Variants in AARS1 observed in about 807,000 individuals in gnomAD.
AARS1 encodes the protein alanine--tRNA ligase, cytoplasmic.
A neutral mutation model predicts 108.9 loss-of-function variants in AARS1; 72 were observed. The ratio of observed to expected loss-of-function variants is 0.66; its 90% confidence interval spans 0.55 to 0.80. AARS1 has a LOEUF of 0.80. Ranked by LOEUF, AARS1 falls within the 30% of genes least tolerant of loss-of-function variation. The pLI is 0.00. For missense variants in AARS1, 1,193 were observed against 1,233.2 expected, an observed-to-expected ratio of 0.97 and a Z score of 0.49; for synonymous variants, 489 against 465.7, an observed-to-expected ratio of 1.05 and a Z score of -0.64.
intron 16 of AARS1, 144 bp downstream of exon 16, chr16:70,255,584 G>A: frequency 1.4e-6 from 1 of 735,486 alleles, no homozygotes; most frequent in Non-Finnish European, 2.4e-6. Flanking sequence ...TCAGGGGTAG[G>A]ACACTGGGGC....
Position 70,261,106 on chromosome 16 carries a change from G to A in AARS1, c.1723C>T (p.His575Tyr). 1.2e-6 allele frequency: 2 copies of A among 1,613,844 alleles called. No homozygotes were observed. The highest frequency in any genetic ancestry group is 8.5e-7 in the Non-Finnish European group (1 of 1,179,866). The change falls in exon 13 of 21, where the codon CAC becomes TAC. Residue 575 changes from histidine (H) to tyrosine (Y), a missense_variant. Transcript: ENST00000261772. ...AGGTCACCGTAGATGGTTCCAATGT[G>A]TAGCACATACCCTCCTCGGACCTGA... is the stretch of plus-strand genomic sequence containing the variant. Reference protein sequence around the residue: ...NAQVRGGYVLHIGTIYGDLKV... With the variant: ...NAQVRGGYVLYIGTIYGDLKV...
At chr16:70,281,375 A>C (rs1329389554) in intron 2 of AARS1, among the ~76,000 whole-genome samples, 5 of 152,158 alleles carry the variant, frequency 3.3e-5, no homozygotes, top group Non-Finnish European at 2.9e-5. Context: ...ATATAAATAA[A>C]TAAATTTAGG....
intron 1 of AARS1, among the ~76,000 whole-genome samples, chr16:70,288,823 TCCCAAA>T (rs1269101053): frequency 2.0e-5 from 3 of 151,976 alleles, no homozygotes; most frequent in African/African-American, 7.3e-5. Flanking sequence ...CGCCTCGACC[TCCCAAA>T]GCGCTGGGAT....
Position 70,265,073 on chromosome 16 carries a change from C to CGTG in AARS1, c.1376_1377insCAC (p.Gly459_Glu460insThr). The CGTG allele has an allele frequency of 6.2e-7, 1 of 1,614,126 alleles. No individual in the cohort carries two copies. The highest frequency in any genetic ancestry group is 8.5e-7 in the Non-Finnish European group (1 of 1,180,038). On this transcript the variant is annotated inframe_insertion, in exon 11 of 21. Transcript: ENST00000261772. The stretch of plus-strand genomic sequence containing the variant: ...AAATGTCCAGCATAATGAGGTCTTC[C>CGTG]CCACCAGCTCCCTTGCCCTGTGATT...
rs941040970 is a variant in AARS1, at chr16:70,259,074, C to T, written c.1898G>A (p.Arg633His). 5 of 1,614,022 alleles carry T rather than the reference C, an allele frequency of 3.1e-6. No individual in the cohort carries two copies. The highest frequency in any genetic ancestry group is 2.2e-5 in the East Asian group (1 of 44,894). The change falls in exon 14 of 21, where the codon CGC becomes CAC. Residue 633 changes from arginine (R) to histidine (H), a missense_variant. By Grantham distance (29) the Arg-to-His change is conservative (BLOSUM62 0). Transcript: ENST00000261772. ...DQKGSLVAPDRLRFDFTAKGA... is the reference protein window; with the variant it reads ...DQKGSLVAPDHLRFDFTAKGA... ...CTTGGCAGTAAAGTCAAATCTGAGG[C>T]GGTCAGGAGCAACCAATGAGCCTTT...
chr16:70,284,324 C>T (rs190156516), intron 1 of AARS1, among the ~76,000 whole-genome samples: 23 of 137,628 alleles, frequency 1.7e-4, no homozygotes, highest in African/African-American at 5.2e-4. Flanking sequence ...CAAAAATGGC[C>T]GGGCGCGGTG....
intron 1 of AARS1, among the ~76,000 whole-genome samples, chr16:70,285,845 C>G (rs975990979): frequency 2.6e-5 from 4 of 152,186 alleles, no homozygotes; most frequent in African/African-American, 9.7e-5. Flanking sequence ...ATGGCATGAG[C>G]CACCATGCCC....
chr16:70,289,374 G>T, intron 1 of AARS1, 47 bp downstream of exon 1: 2 of 355,316 alleles, frequency 5.6e-6, no homozygotes, highest in South Asian at 4.1e-5. Context: ...CAGTCTGCGG[G>T]CCCAGCCGCT....
chr16:70,270,217 A>C lies in AARS1; in HGVS notation c.795T>G (p.Pro265=). ...MSNYDTDLFV[P]YFEAIQKGTG... ...GTACCTTCTGAATGGCTTCAAAGTA[A>C]GGGACAAAAAGGTCAGTGTCATAGT... The change falls in exon 6 of 21, where the codon CCT becomes CCG. Residue 265 remains proline (P), a synonymous_variant. Transcript: ENST00000261772. 1.2e-6 allele frequency: 2 copies of C among 1,614,194 alleles called. No homozygotes were observed. Among genetic ancestry groups the C allele is most frequent in the Non-Finnish European group, 1.7e-6 (2 of 1,180,038 alleles).
chr16:70,264,751 C>A (rs1015992356), intron 11 of AARS1, among the ~76,000 whole-genome samples: 1 of 151,726 alleles, frequency 6.6e-6, no homozygotes, highest in Non-Finnish European at 1.5e-5. Context: ...TTTACAACTT[C>A]CTGTGACAAT....
At chr16:70,278,637 T>A (rs1159870013) in intron 2 of AARS1, among the ~76,000 whole-genome samples, 1 of 151,470 alleles carries the variant, frequency 6.6e-6, no homozygotes, top group Non-Finnish European at 1.5e-5. Flanking sequence ...AGCTCAATAA[T>A]CACACGACTG....
At chr16:70,284,859 C>G (rs1960801176) in intron 1 of AARS1, among the ~76,000 whole-genome samples, 1 of 152,184 alleles carries the variant, frequency 6.6e-6, no homozygotes, top group Non-Finnish European at 1.5e-5. Context: ...TGTAAAAAAG[C>G]AGTATCTACC....
In AARS1 at chr16:70,276,484, AC is replaced by A; in HGVS notation, c.479+1del. On this transcript the variant is annotated splice_donor_variant, in intron 4 of 20. Coordinates refer to ENST00000261772, the MANE Select transcript of AARS1 (RefSeq NM_001605.3). LOFTEE classifies it high-confidence loss of function. ...CTCTCAAGAAGTGATGTGCATTCTTACCCCAAATTTTGCCAGATCTGTTTGC... is the reference window on the plus strand; with the variant it reads ...CTCTCAAGAAGTGATGTGCATTCTTACCCAAATTTTGCCAGATCTGTTTGC... The A allele has an allele frequency of 6.2e-7, 1 of 1,613,912 alleles. No individual in the cohort carries two copies. Among genetic ancestry groups the A allele is most frequent in the Non-Finnish European group, 8.5e-7 (1 of 1,179,944 alleles).
rs1959913185 is a variant in AARS1, at chr16:70,253,948, G to A, written c.2491C>T (p.Arg831Ter). The change falls in exon 18 of 21, where the codon CGA becomes TGA. Residue 831 changes from arginine to a stop codon, truncating the protein, a stop_gained. Coordinates refer to ENST00000261772, the MANE Select transcript of AARS1 (RefSeq NM_001605.3). LOFTEE classifies it high-confidence loss of function. ...TTCTGGACATCGGCTTTGCTGGCTC[G>A]GTCCAAGTCATCCATGACCTTCTTT... ...SLKKVMDDLD[R>*]ASKADVQKRV... 3.7e-6 allele frequency: 6 copies of A among 1,614,030 alleles called. No homozygotes were observed. The highest frequency in any genetic ancestry group is 4.2e-6 in the Non-Finnish European group (5 of 1,180,036).
chr16:70,280,714 A>G (rs777891291), intron 2 of AARS1, among the ~76,000 whole-genome samples: 4 of 152,184 alleles, frequency 2.6e-5, no homozygotes, highest in Non-Finnish European at 4.4e-5. Context: ...AGTACTGTTT[A>G]GTGTCACAGA....
chr16:70,253,611 G>C, intron 19 of AARS1, 103 bp downstream of exon 19: 1 of 1,342,678 alleles, frequency 7.4e-7, no homozygotes, highest in East Asian at 2.3e-5. Context: ...ATCCCAGACC[G>C]TGGGCCCTTA....
At chr16:70,276,062 A>G (rs1449341389) in intron 4 of AARS1, 1 of 152,806 alleles carries the variant, frequency 6.5e-6, no homozygotes, top group Non-Finnish European at 1.4e-5. Context: ...AAAAAATACA[A>G]AAGTTAGCTG....
In AARS1 at chr16:70,271,983, A is replaced by T. The variant is rs753558252; in HGVS notation, c.480-11T>A. 3 of 1,613,150 alleles carry T rather than the reference A, an allele frequency of 1.9e-6. 1 individual carries two copies. Among genetic ancestry groups the T allele is most frequent in the Non-Finnish European group, 2.5e-6 (3 of 1,179,172 alleles). On this transcript the variant is annotated splice_polypyrimidine_tract_variant and intron_variant, in intron 4 of 20. Coordinates refer to ENST00000261772, the MANE Select transcript of AARS1 (RefSeq NM_001605.3). ...TTGGTGTCATCCAGCCTGACAAAGG[A>T]GTAAAGATAAGTCCAGTTACAGCCC...
chr16:70,264,102 C>T (rs55936739), intron 11 of AARS1, among the ~76,000 whole-genome samples: 10,893 of 151,278 alleles, frequency 0.072, 1,312 homozygotes, highest in African/African-American at 0.25. Context: ...AAAAATCAGC[C>T]GGGTGTGGTG....
Sources: allele counts gnomAD v4.1 joint callset (sites outside exome capture counted in the v4.1 genomes callset), GRCh38; gene constraint gnomAD v4.1.1; transcripts MANE v1.5; gene names NCBI Gene and HGNC (gene_info 2026-07-23, HGNC 2026-07-21).